The following KALRN variants were observed in gnomAD, a reference collection of about 807,000 sequenced individuals.
KALRN encodes kalirin RhoGEF kinase, also known as kalirin.
In KALRN, 70 loss-of-function variants were observed where a neutral mutation model predicts 353.7. The ratio of observed to expected loss-of-function variants is 0.20; its 90% CI spans 0.16 to 0.24. The LOEUF (loss-of-function observed/expected upper bound fraction) is 0.24. Ranked by LOEUF, KALRN falls within the 10% of genes least tolerant of loss-of-function variation. The probability of loss-of-function intolerance (pLI) is 1.00; values close to 1 mark genes in which losing one functional copy is unlikely to be tolerated. For synonymous variants in KALRN, 1,391 were observed against 1,434.8 expected (o/e 0.97, Z 0.69); for missense variants, 2,791 against 3,756.7 (o/e 0.74, Z 6.72).
chr3:124,564,720 G>A (rs746940063), intron 34 of KALRN, among the ~76,000 whole-genome samples: 25 of 152,186 alleles, frequency 1.6e-4, no homozygotes, highest in Admixed American at 5.2e-4. Flanking sequence ...AGAAAGAAAC[G>A]CAAATGATCA....
At chr3:124,516,245 A>C (rs889638827) in intron 33 of KALRN, among the ~76,000 whole-genome samples, 10 of 152,220 alleles carry the variant, frequency 6.6e-5, no homozygotes, top group Non-Finnish European at 1.5e-4. Context: ...TCTCCTTTAG[A>C]AGAGGCAACA....
At chr3:124,488,088 C>T in intron 28 of KALRN, 116 bp from the exon 29 acceptor site, 1 of 631,380 alleles carries the variant, frequency 1.6e-6, no homozygotes, top group Non-Finnish European at 2.9e-6. Context: ...TTCTTTATAG[C>T]TCAGAGGGAA....
intron 55 of KALRN, among the ~76,000 whole-genome samples, chr3:124,699,191 A>G (rs527262604): frequency 1.6e-4 from 25 of 152,312 alleles, no homozygotes; most frequent in African/African-American, 5.8e-4. Flanking sequence ...GGTTAGCACA[A>G]AAGTATTAAT....
intron 10 of KALRN, among the ~76,000 whole-genome samples, chr3:124,368,356 G>A (rs1399977714): frequency 6.7e-6 from 1 of 149,626 alleles, no homozygotes; most frequent in African/African-American, 2.5e-5. Context: ...GGGGCGGCCG[G>A]GCAGAGACGC....
chr3:124,489,501 A>G (rs550387351), intron 29 of KALRN, among the ~76,000 whole-genome samples: 1 of 152,190 alleles, frequency 6.6e-6, no homozygotes, highest in African/African-American at 2.4e-5. Context: ...CATCCTTAGC[A>G]CCAGAAGCCT....
At chr3:124,472,575 A>ATGTG (rs57265173) in intron 25 of KALRN, among the ~76,000 whole-genome samples, 25,957 of 148,502 alleles carry the variant, frequency 0.17, 2,216 homozygotes, top group Middle Eastern at 0.24. Context: ...GTGTGTGTAT[A>ATGTG]TGTGTGTGTG....
At chr3:124,400,341 T>A (rs2090705833) in intron 13 of KALRN, among the ~76,000 whole-genome samples, 2 of 152,204 alleles carry the variant, frequency 1.3e-5, no homozygotes, top group African/African-American at 4.8e-5. Flanking sequence ...TACTCCTGCC[T>A]CCTTGGGAGA....
rs1201239276 is a variant in KALRN, at chr3:124,566,105, T to A, written c.5182+3016T>A. Among the ~76,000 whole-genome samples, 11 of 152,272 alleles carry A rather than the reference T, an allele frequency of 7.2e-5. No individual in the cohort carries two copies. The South Asian group carries it at 8.3e-4, about 11-fold the overall frequency. ...AGGTTGGTTCCTGTTTCCCCAAGCTTAGGCCAATTATGCTGAGCTTTCAAA... is the reference window on the plus strand; with the variant it reads ...AGGTTGGTTCCTGTTTCCCCAAGCTAAGGCCAATTATGCTGAGCTTTCAAA... On this transcript the variant is annotated intron_variant, in intron 34 of 59. Transcript: ENST00000682506.
chr3:124,723,226 A>C lies in KALRN; in HGVS notation c.*3756A>C, dbSNP rs1171799557. Reference sequence around the variant, plus strand: ...AGATAAAGAAGTTCATTGCATTTAGATGTACTGATATTGCAGCATTTTTTC... The same window carrying C: ...AGATAAAGAAGTTCATTGCATTTAGCTGTACTGATATTGCAGCATTTTTTC... On this transcript the variant is annotated 3_prime_UTR_variant, in exon 60 of 60. Coordinates refer to ENST00000682506, the MANE Select transcript of KALRN (RefSeq NM_001388419.1). The C allele has an allele frequency of 6.6e-6, 1 of 152,146 alleles. No homozygotes were observed. The highest frequency in any genetic ancestry group is 6.5e-5 in the Admixed American group (1 of 15,284). The allele number at this position is 152,146 out of a possible 1,614,324, so 9.4% of individuals were successfully genotyped here.
chr3:124,653,892 TGTCAC>T (rs1375209714), intron 38 of KALRN, among the ~76,000 whole-genome samples: 3 of 152,260 alleles, frequency 2.0e-5, no homozygotes, highest in Admixed American at 2.0e-4. Context: ...AAATCCTTGA[TGTCAC>T]TTTTCAGAAT....
At chr3:124,169,306 G>T (rs1349037931) in intron 1 of KALRN, among the ~76,000 whole-genome samples, 3 of 152,152 alleles carry the variant, frequency 2.0e-5, no homozygotes, top group Non-Finnish European at 4.4e-5. Context: ...TACTAAGCTT[G>T]TTGGCTCTCT....
At chr3:124,647,213 C>G (rs1175169531) in intron 37 of KALRN, among the ~76,000 whole-genome samples, 1 of 152,248 alleles carries the variant, frequency 6.6e-6, no homozygotes, top group African/African-American at 2.4e-5. Flanking sequence ...GGCCAAGTCT[C>G]TACTTCTTAA....
chr3:124,338,398 G>A (rs978664490), intron 9 of KALRN, among the ~76,000 whole-genome samples: 1 of 152,160 alleles, frequency 6.6e-6, no homozygotes, highest in Non-Finnish European at 1.5e-5. Flanking sequence ...TATTTACCCA[G>A]TAGTCATTCA....
At chr3:124,300,526 G>T (rs931641722) in intron 6 of KALRN, among the ~76,000 whole-genome samples, 1 of 152,054 alleles carries the variant, frequency 6.6e-6, no homozygotes, top group Admixed American at 6.6e-5. Context: ...CTGGACACAT[G>T]CTGGCTCTGA....
chr3:124,434,758 G>C (rs2093403912), intron 17 of KALRN, among the ~76,000 whole-genome samples: 1 of 152,220 alleles, frequency 6.6e-6, no homozygotes, highest in Non-Finnish European at 1.5e-5. Flanking sequence ...GATCTATAGG[G>C]AGGTGTTGAA....
At chr3:124,433,003 G>A (rs1337302326) in intron 16 of KALRN, among the ~76,000 whole-genome samples, 1 of 152,144 alleles carries the variant, frequency 6.6e-6, no homozygotes, top group African/African-American at 2.4e-5. Flanking sequence ...TTCTCCAGGT[G>A]GCCTGTGCTT....
chr3:124,626,199 A>G (rs1173345983), intron 34 of KALRN, among the ~76,000 whole-genome samples: 1 of 152,250 alleles, frequency 6.6e-6, no homozygotes, highest in African/African-American at 2.4e-5. Context: ...TAATTATATA[A>G]ACTATAAAAC....
chr3:124,227,894 C>T (rs1450898815), intron 1 of KALRN, 96 bp from the exon 2 acceptor site: 10 of 978,272 alleles, frequency 1.0e-5, no homozygotes, highest in Admixed American at 3.4e-5. Flanking sequence ...CAGGACTTGC[C>T]GGCTGATGAT....
intron 5 of KALRN, among the ~76,000 whole-genome samples, chr3:124,278,458 G>GGAGTGTGTGT (rs1553889408): frequency 6.9e-6 from 1 of 145,406 alleles, no homozygotes; most frequent in South Asian, 2.3e-4. Context: ...GGACACTTCA[G>GGAGTGTGTGT]GTGTGTGTGT....
Sources: allele counts gnomAD v4.1 joint callset (sites outside exome capture counted in the v4.1 genomes callset), GRCh38; gene constraint gnomAD v4.1.1; transcripts MANE v1.5; gene names NCBI Gene and HGNC (gene_info 2026-07-23, HGNC 2026-07-21).